The following FAM184A variants were observed in gnomAD, a reference collection of about 807,000 sequenced individuals.
FAM184A encodes the protein protein FAM184A.
Under a neutral mutation model 143.8 loss-of-function variants are expected in FAM184A, and 99 were observed. The ratio of observed to expected loss-of-function variants is 0.69; its 90% confidence interval spans 0.58 to 0.81. The LOEUF is 0.81. FAM184A is among the 40% of genes least tolerant of loss of function. The pLI, the probability that FAM184A is intolerant of heterozygous loss-of-function variation, is 0.00. For missense variants in FAM184A, 1,217 were observed against 1,310.5 expected, an observed-to-expected ratio of 0.93 and a Z score of 1.10; for synonymous variants, 427 against 446.4, an observed-to-expected ratio of 0.96 and a Z score of 0.55.
chr6:118,997,773 C>T (rs935752167), intron 9 of FAM184A, among the ~76,000 whole-genome samples: 5 of 152,022 alleles, frequency 3.3e-5, no homozygotes, highest in African/African-American at 1.2e-4. Flanking sequence ...TTTTCATGAT[C>T]TAGATAGTCT....
At chr6:119,127,346 G>T (rs975516978) in intron 1 of FAM184A, among the ~76,000 whole-genome samples, 2 of 152,194 alleles carry the variant, frequency 1.3e-5, no homozygotes, top group Non-Finnish European at 2.9e-5. Flanking sequence ...TGGTGGTGAG[G>T]TATCTTGGAG....
upstream of FAM184A, among the ~76,000 whole-genome samples, chr6:119,080,836 TA>T (rs958206121): frequency 4.6e-5 from 7 of 151,502 alleles, no homozygotes; most frequent in African/African-American, 1.2e-4. Context: ...CACATTGCTA[TA>T]AAAAAAAACC....
chr6:118,960,123 C>A lies in FAM184A; in HGVS notation c.3403G>T (p.Ala1135Ser), dbSNP rs1307012309. ...SPDPQRQEWFARYFTF is the reference protein window; with the variant it reads ...SPDPQRQEWFSRYFTF ...TTCTTTCAGAATGTGAAGTACCGGG[C>A]AAACCACTCCTGGCGCTGGGGATCT... is the stretch of plus-strand genomic sequence containing the variant. The change falls in exon 18 of 18, where the codon GCC becomes TCC. Residue 1135 changes from alanine to serine, a missense_variant. Coordinates refer to ENST00000338891, the MANE Select transcript of FAM184A (RefSeq NM_024581.6). 1 of 1,613,332 alleles carries A rather than the reference C, an allele frequency of 6.2e-7. No individual in the cohort carries two copies. Among genetic ancestry groups the A allele is most frequent in the Non-Finnish European group, 8.5e-7 (1 of 1,179,502 alleles).
rs183081014 is a variant in FAM184A, at chr6:119,000,999, G to T, written c.2088+1900C>A. ...AGTAGAAGGTGGTAGAGGGGCTTTAGAGCACAGGCTCTAGAAATCCATCCA... is the reference window on the plus strand; with the variant it reads ...AGTAGAAGGTGGTAGAGGGGCTTTATAGCACAGGCTCTAGAAATCCATCCA... On this transcript the variant is annotated intron_variant, in intron 9 of 17. Coordinates refer to ENST00000338891, the MANE Select transcript of FAM184A (RefSeq NM_024581.6). Among the ~76,000 whole-genome samples, 59 of 151,218 alleles carry T rather than the reference G, an allele frequency of 3.9e-4. 1 individual carries two copies. In the South Asian group the frequency reaches 0.01, roughly 26 times the overall value.
intron 1 of FAM184A, among the ~76,000 whole-genome samples, chr6:119,034,862 A>G (rs927483410): frequency 3.9e-5 from 6 of 152,160 alleles, no homozygotes; most frequent in Non-Finnish European, 1.5e-5. Context: ...CTTCTTCTGT[A>G]ATGTCCGACT....
At chr6:119,095,344 G>T (rs900872128) in intron 1 of FAM184A, among the ~76,000 whole-genome samples, 1 of 152,150 alleles carries the variant, frequency 6.6e-6, no homozygotes, top group East Asian at 1.9e-4. Flanking sequence ...AGAGGCATTG[G>T]TGAGTTCCTG....
At chr6:119,099,001 T>C (rs1014833068) in intron 1 of FAM184A, among the ~76,000 whole-genome samples, 1 of 152,092 alleles carries the variant, frequency 6.6e-6, no homozygotes, top group Non-Finnish European at 1.5e-5. Context: ...TCCCAGCTAC[T>C]TGGGAGGCCG....
At chr6:118,990,605 C>T (rs1784347701) in intron 9 of FAM184A, among the ~76,000 whole-genome samples, 1 of 151,946 alleles carries the variant, frequency 6.6e-6, no homozygotes, top group African/African-American at 2.4e-5. Flanking sequence ...GTGGCTCACA[C>T]CTGTAATCCC....
chr6:119,055,082 T>C (rs1167640068), intron 1 of FAM184A, among the ~76,000 whole-genome samples: 2 of 152,266 alleles, frequency 1.3e-5, no homozygotes, highest in East Asian at 3.9e-4. Context: ...TCTCAACTAC[T>C]ACTCTACTTT....
At chr6:118,979,062 T>A (rs1200614351) in intron 11 of FAM184A, among the ~76,000 whole-genome samples, 1 of 152,192 alleles carries the variant, frequency 6.6e-6, no homozygotes. Context: ...TCCTTTCTAC[T>A]GAGCAGTGAT....
intron 1 of FAM184A, among the ~76,000 whole-genome samples, chr6:119,103,703 G>A (rs899264333): frequency 5.9e-5 from 9 of 151,976 alleles, no homozygotes; most frequent in Non-Finnish European, 1.0e-4. Context: ...TGTGACAGGC[G>A]GATCACGAGG....
At chr6:119,047,955 G>T (rs1786602290) in intron 1 of FAM184A, among the ~76,000 whole-genome samples, 1 of 152,154 alleles carries the variant, frequency 6.6e-6, no homozygotes, top group South Asian at 2.1e-4. Flanking sequence ...CAATATCCTT[G>T]ATGAACACCA....
chr6:119,102,696 A>C (rs543975282), intron 1 of FAM184A, among the ~76,000 whole-genome samples: 1 of 143,464 alleles, frequency 7.0e-6, no homozygotes, highest in East Asian at 2.3e-4. Flanking sequence ...AGGCTGAGGC[A>C]GGAGAATCGT....
intron 1 of FAM184A, among the ~76,000 whole-genome samples, chr6:119,136,513 G>A (rs1435048638): frequency 6.6e-6 from 1 of 152,064 alleles, no homozygotes; most frequent in East Asian, 1.9e-4. Flanking sequence ...AGTTTTTTGG[G>A]TGGAAGCAAC....
Position 118,970,008 on chromosome 6 carries a change from A to ATATATTTT in FAM184A, c.2916-3057_2916-3056insAAAATATA. Among the ~76,000 whole-genome samples the ATATATTTT allele has an allele frequency of 8.4e-4, 16 of 19,050 alleles. 1 individual carries two copies. The highest frequency in any genetic ancestry group is 1.7e-3 in the South Asian group (1 of 582). The allele number at this position is 19,050 out of a possible 152,430, so 12.5% of individuals were successfully genotyped here. ...ATATATATATAATATATATATATATATTTTTTTTTTTTTGAGATGGAGTTT... is the reference window on the plus strand; with the variant it reads ...ATATATATATAATATATATATATATATATATTTTTTTTTTTTTTTTTGAGATGGAGTTT... On this transcript the variant is annotated intron_variant, in intron 14 of 17. Coordinates refer to ENST00000338891, the MANE Select transcript of FAM184A (RefSeq NM_024581.6).
intron 15 of FAM184A, among the ~76,000 whole-genome samples, chr6:118,965,964 T>C (rs907515056): frequency 2.0e-5 from 3 of 152,202 alleles, no homozygotes; most frequent in Non-Finnish European, 4.4e-5. Context: ...TCACAATATG[T>C]AGAAAATTGG....
At chr6:119,038,162 A>C (rs1168941287) in intron 1 of FAM184A, among the ~76,000 whole-genome samples, 3 of 152,178 alleles carry the variant, frequency 2.0e-5, no homozygotes, top group Non-Finnish European at 4.4e-5. Flanking sequence ...TGTCACCTGA[A>C]TCAAGCAGAC....
rs1027533726 is a variant in FAM184A at position 118,959,806 on chromosome 6, C to T, written c.*297G>A. ...AAAAATATTTAAAAATTAAAGCAAACGTAGAAAAAAATAAAAAGCATTGTT... is the reference window on the plus strand; with the variant it reads ...AAAAATATTTAAAAATTAAAGCAAATGTAGAAAAAAATAAAAAGCATTGTT... On this transcript the variant is annotated 3_prime_UTR_variant, in exon 18 of 18. Coordinates refer to ENST00000338891, the MANE Select transcript of FAM184A (RefSeq NM_024581.6). 7 of 115,186 alleles carry T rather than the reference C, an allele frequency of 6.1e-5. No individual in the cohort carries two copies. Among genetic ancestry groups the T allele is most frequent in the Middle Eastern group, 2.8e-3 (1 of 354 alleles). 7.1% of individuals were successfully genotyped at this position (115,186 alleles called of 1,614,324 possible). A position where few individuals can be genotyped will look rare whatever the true frequency, so the allele number is the denominator to read the frequency against.
At chr6:119,009,795 C>A (rs369165542) in intron 6 of FAM184A, among the ~76,000 whole-genome samples, 1 of 152,178 alleles carries the variant, frequency 6.6e-6, no homozygotes, top group African/African-American at 2.4e-5. Context: ...CCATGTCTGA[C>A]TGACTTATCA....
Sources: allele counts gnomAD v4.1 joint callset (sites outside exome capture counted in the v4.1 genomes callset), GRCh38; gene constraint gnomAD v4.1.1; transcripts MANE v1.5; gene names NCBI Gene and HGNC (gene_info 2026-07-23, HGNC 2026-07-21).